Variants in DGKG observed in about 807,000 individuals in gnomAD.
The protein encoded by DGKG is diacylglycerol kinase gamma.
A neutral mutation model predicts 105.3 loss-of-function variants in DGKG; 78 were observed. That is an observed-to-expected ratio of 0.74 (90% CI 0.62 to 0.89). DGKG has a LOEUF of 0.89. DGKG is among the 40% of genes least tolerant of loss of function. The pLI, the probability that DGKG is intolerant of heterozygous loss-of-function variation, is 0.00. For synonymous variants in DGKG, 346 were observed against 367.1 expected (o/e 0.94, Z 0.66); for missense variants, 958 against 1,020.1 (o/e 0.94, Z 0.83).
chr3:186,272,450 C>T lies in DGKG; in HGVS notation c.911-107G>A, dbSNP rs565427125. On this transcript the variant is annotated intron_variant, in intron 10 of 24. Transcript: ENST00000265022. ...TCTGTACCTCCCTTTGGGTGGCTGGCGAGGGGCAGGGGACACATGGGGCTG... is the reference window on the plus strand; with the variant it reads ...TCTGTACCTCCCTTTGGGTGGCTGGTGAGGGGCAGGGGACACATGGGGCTG... The T allele has an allele frequency of 9.1e-5, 71 of 780,418 alleles. No individual in the cohort carries two copies. The East Asian group carries it at 1.6e-3, about 18-fold the overall frequency. 48.3% of individuals were successfully genotyped at this position (780,418 alleles called of 1,614,324 possible).
intron 22 of DGKG, among the ~76,000 whole-genome samples, chr3:186,173,584 G>C (rs1716931706): frequency 6.6e-6 from 1 of 152,250 alleles, no homozygotes; most frequent in African/African-American, 2.4e-5. Context: ...TTTCCATGGA[G>C]ATGGGCATGT....
intron 1 of DGKG, among the ~76,000 whole-genome samples, chr3:186,347,798 G>C (rs964470781): frequency 1.4e-4 from 22 of 152,208 alleles, no homozygotes; most frequent in African/African-American, 5.1e-4. Context: ...AGCCAGGCTG[G>C]TCTCAAACTC....
At chr3:186,311,453 A>G (rs1724538496) in intron 2 of DGKG, among the ~76,000 whole-genome samples, 1 of 152,196 alleles carries the variant, frequency 6.6e-6, no homozygotes, top group Non-Finnish European at 1.5e-5. Flanking sequence ...CATGTTTTGC[A>G]TTCACCCAGA....
intron 2 of DGKG, among the ~76,000 whole-genome samples, chr3:186,317,099 TCTA>T (rs895482110): frequency 5.3e-5 from 8 of 152,212 alleles, no homozygotes; most frequent in African/African-American, 1.7e-4. Flanking sequence ...ACAACCCTCT[TCTA>T]CTGAATACTC....
intron 22 of DGKG, among the ~76,000 whole-genome samples, chr3:186,171,109 T>G (rs1716792928): frequency 6.6e-6 from 1 of 152,240 alleles, no homozygotes; most frequent in Non-Finnish European, 1.5e-5. Context: ...TGCTAGTTCC[T>G]TCTTCTGTGC....
In DGKG at chr3:186,163,147, A is replaced by G. The variant is rs567935627; in HGVS notation, c.2217-1484T>C. ...CAACCTCCTGAGTAGCTAGGACTACAGGTGCACATCACCACACCTGGCTAA... is the reference window on the plus strand; with the variant it reads ...CAACCTCCTGAGTAGCTAGGACTACGGGTGCACATCACCACACCTGGCTAA... On this transcript the variant is annotated intron_variant, in intron 23 of 24. Transcript: ENST00000265022. 6.6e-5 allele frequency among the ~76,000 whole-genome samples: 10 copies of G among 152,232 alleles called. No homozygotes were observed. The South Asian group carries it at 2.1e-3, about 32-fold the overall frequency.
chr3:186,241,568 A>G (rs1720687900), intron 20 of DGKG, among the ~76,000 whole-genome samples: 1 of 151,978 alleles, frequency 6.6e-6, no homozygotes, highest in Non-Finnish European at 1.5e-5. Flanking sequence ...TAAATAAATA[A>G]ATAAATAAAT....
At chr3:186,182,946 C>T (rs984260659) in intron 22 of DGKG, among the ~76,000 whole-genome samples, 3 of 152,112 alleles carry the variant, frequency 2.0e-5, no homozygotes, top group Admixed American at 6.6e-5. Flanking sequence ...CACACATGCC[C>T]GTGACACAGG....
At chr3:186,303,884 T>C (rs1724095068) in intron 3 of DGKG, among the ~76,000 whole-genome samples, 1 of 152,238 alleles carries the variant, frequency 6.6e-6, no homozygotes, top group South Asian at 2.1e-4. Context: ...CATTGAGACA[T>C]TTTAGCAGCA....
intron 6 of DGKG, among the ~76,000 whole-genome samples, chr3:186,287,261 T>C (rs968552671): frequency 9.9e-5 from 15 of 152,114 alleles, no homozygotes; most frequent in Non-Finnish European, 7.4e-5. Context: ...GCTGTAATGA[T>C]GGTATTGAGG....
At chr3:186,326,058 G>C (rs556575645) in intron 1 of DGKG, among the ~76,000 whole-genome samples, 1 of 152,096 alleles carries the variant, frequency 6.6e-6, no homozygotes, top group South Asian at 2.1e-4. Context: ...TGCTGCTGGG[G>C]TGTCATTGCT....
chr3:186,148,228 G>A lies in DGKG; in HGVS notation c.*1862C>T. 1.0e-6 allele frequency: 1 copy of A among 985,478 alleles called. No homozygotes were observed. Among genetic ancestry groups the A allele is most frequent in the Non-Finnish European group, 1.2e-6 (1 of 829,982 alleles). 61.0% of individuals were successfully genotyped at this position (985,478 alleles called of 1,614,324 possible). A position where few individuals can be genotyped will look rare whatever the true frequency, so the allele number is the denominator to read the frequency against. ...TGAATGAAGCCCACTGAGCTCTGCT[G>A]AGACCCCTCTGTCCTGGCTGGCAGT... On this transcript the variant is annotated 3_prime_UTR_variant, in exon 25 of 25. Coordinates refer to ENST00000265022, the MANE Select transcript of DGKG (RefSeq NM_001346.3).
intron 22 of DGKG, among the ~76,000 whole-genome samples, chr3:186,183,502 C>A (rs6779329): frequency 1.4e-3 from 2 of 1,442 alleles, no homozygotes; most frequent in Non-Finnish European, 4.5e-3. Context: ...AAGAACCTTT[C>A]TTGGGGGGGG....
chr3:186,291,790 A>G (rs1723321025), intron 5 of DGKG, among the ~76,000 whole-genome samples: 1 of 152,216 alleles, frequency 6.6e-6, no homozygotes, highest in African/African-American at 2.4e-5. Flanking sequence ...ACTTTTAGAG[A>G]TGATGGGTAT....
At chr3:186,236,574 T>G (rs1720431131) in intron 20 of DGKG, among the ~76,000 whole-genome samples, 1 of 152,270 alleles carries the variant, frequency 6.6e-6, no homozygotes, top group Non-Finnish European at 1.5e-5. Context: ...TGCTGCCTTC[T>G]TCTATAAATA....
chr3:186,351,198 T>A (rs1726614563), intron 1 of DGKG, among the ~76,000 whole-genome samples: 1 of 152,222 alleles, frequency 6.6e-6, no homozygotes. Flanking sequence ...TATGGAATGT[T>A]TTCAGAACGT....
chr3:186,313,240 A>G (rs1363935262), intron 2 of DGKG, among the ~76,000 whole-genome samples: 1 of 152,230 alleles, frequency 6.6e-6, no homozygotes, highest in Non-Finnish European at 1.5e-5. Flanking sequence ...CAAGCCTTCC[A>G]TGTGATTTGA....
chr3:186,272,621 G>T (rs1218610469), intron 10 of DGKG, among the ~76,000 whole-genome samples: 1 of 152,234 alleles, frequency 6.6e-6, no homozygotes, highest in Non-Finnish European at 1.5e-5. Context: ...CCAGAAAGGC[G>T]CTTTTTCCTG....
At chr3:186,158,825 C>G in intron 24 of DGKG, 4 of 903,308 alleles carry the variant, frequency 4.4e-6, no homozygotes, top group Non-Finnish European at 5.3e-6. Flanking sequence ...TTTATGACCA[C>G]TATATCTCAT....
Sources: allele counts gnomAD v4.1 joint callset (sites outside exome capture counted in the v4.1 genomes callset), GRCh38; gene constraint gnomAD v4.1.1; transcripts MANE v1.5; gene names NCBI Gene and HGNC (gene_info 2026-07-23, HGNC 2026-07-21).